Variants in ARID1A observed in about 807,000 individuals in gnomAD.
ARID1A encodes AT-rich interaction domain 1A, also known as AT-rich interactive domain-containing protein 1A.
A neutral mutation model predicts 212.6 loss-of-function variants in ARID1A; 20 were observed. The ratio of observed to expected loss-of-function variants is 0.09; its 90% CI spans 0.07 to 0.14. ARID1A has a LOEUF of 0.14. Among genes scored for constraint, ARID1A ranks in the 10% least tolerant of loss-of-function variants. The probability of loss-of-function intolerance (pLI) is 1.00; values close to 1 mark genes in which losing one functional copy is unlikely to be tolerated. For synonymous variants in ARID1A, 1,376 were observed against 1,222.1 expected (o/e 1.13, Z -2.63); for missense variants, 2,587 against 3,059.0 (o/e 0.85, Z 3.64).
chr1:26,777,757 C>T (rs535003071), intron 19 of ARID1A, among the ~76,000 whole-genome samples: 4 of 152,200 alleles, frequency 2.6e-5, no homozygotes, highest in Non-Finnish European at 5.9e-5. Flanking sequence ...CATGGTGAAA[C>T]TCCATCTCTA....
At chr1:26,762,439 C>T (rs2081001423) in intron 7 of ARID1A, 120 bp downstream of exon 7, 4 of 1,175,016 alleles carry the variant, frequency 3.4e-6, no homozygotes, top group Non-Finnish European at 4.6e-6. Context: ...GCCTTTAATC[C>T]ACCCAGCCCA....
Position 26,766,451 on chromosome 1 carries a change from T to G in ARID1A, c.2879-6T>G. On this transcript the variant is annotated splice_region_variant and splice_polypyrimidine_tract_variant and intron_variant, in intron 9 of 19. Coordinates refer to ENST00000324856, the MANE Select transcript of ARID1A (RefSeq NM_006015.6). Reference sequence around the variant, plus strand: ...CTGGACTTGAGAATTTTTTTCTCTTTTACAGGGATGGCAGCCAGCCCAGAG... The same window carrying G: ...CTGGACTTGAGAATTTTTTTCTCTTGTACAGGGATGGCAGCCAGCCCAGAG... The G allele has an allele frequency of 6.2e-7, 1 of 1,613,940 alleles. No individual in the cohort carries two copies. The highest frequency in any genetic ancestry group is 8.5e-7 in the Non-Finnish European group (1 of 1,179,982).
chr1:26,703,237 A>C (rs1354181201), intron 1 of ARID1A, among the ~76,000 whole-genome samples: 2 of 152,206 alleles, frequency 1.3e-5, no homozygotes, highest in Non-Finnish European at 1.5e-5. Context: ...GAGTAGATAC[A>C]GTCTTTGTTT....
chr1:26,710,609 G>A (rs2080444395), intron 1 of ARID1A, among the ~76,000 whole-genome samples: 2 of 151,050 alleles, frequency 1.3e-5, no homozygotes, highest in South Asian at 2.1e-4. Flanking sequence ...AGCATTACTA[G>A]GTCCTGTTAA....
At chr1:26,748,560 T>C (rs1243506114) in intron 4 of ARID1A, among the ~76,000 whole-genome samples, 1 of 151,866 alleles carries the variant, frequency 6.6e-6, no homozygotes, top group African/African-American at 2.4e-5. Flanking sequence ...TCCATAAATA[T>C]GCACTGCTCT....
At position 26,779,082 on chromosome 1, in the gene ARID1A, T is replaced by C. The variant is rs2124136862; in HGVS notation, c.5184T>C (p.Phe1728=). The C allele has an allele frequency of 6.6e-7, 1 of 1,516,384 alleles. No homozygotes were observed. The allele number at this position is 1,516,384 out of a possible 1,614,324, so 93.9% of individuals were successfully genotyped here. A position where few individuals can be genotyped will look rare whatever the true frequency, so the allele number is the denominator to read the frequency against. ...TCCGACGATGCCTGATTGAGATCTT[T>C]GGCATTTTAAAGGAGTATGAGGTGG... ...EYFRRCLIEI[F]GILKEYEVGD... The change falls in exon 20 of 20, where the codon TTT becomes TTC. Residue 1728 remains phenylalanine, a synonymous_variant. Coordinates refer to ENST00000324856, the MANE Select transcript of ARID1A (RefSeq NM_006015.6).
At chr1:26,751,889 A>G (rs896551295) in intron 4 of ARID1A, among the ~76,000 whole-genome samples, 2 of 152,212 alleles carry the variant, frequency 1.3e-5, no homozygotes, top group Non-Finnish European at 2.9e-5. Flanking sequence ...GGTGGCCAAA[A>G]GGTATCAGGA....
In ARID1A at chr1:26,779,633, A is replaced by G. The variant is rs2124142303; in HGVS notation, c.5735A>G (p.Asp1912Gly). Residue 1912 changes from aspartate to glycine, a missense_variant, in exon 20 of 20, where the codon GAT (aspartate) becomes GGT (glycine). Physicochemically the swap from Asp to Gly is moderately conservative, Grantham distance 94. Around this residue, in one of 11 missense-constraint regions of ARID1A, gnomAD observed 890 missense variants for 1,098.2 expected, o/e 0.81. Coordinates refer to ENST00000324856, the MANE Select transcript of ARID1A (RefSeq NM_006015.6). ...GAAAAACGGATCACAGCCACTATGG[A>G]TGACATGTTGTCTACTCGGTCTAGC... is the stretch of plus-strand genomic sequence containing the variant. ...PPEKRITATM[D>G]DMLSTRSSTL... The G allele has an allele frequency of 6.2e-7, 1 of 1,614,128 alleles. No individual in the cohort carries two copies. Among genetic ancestry groups the G allele is most frequent in the Non-Finnish European group, 8.5e-7 (1 of 1,180,022 alleles).
At position 26,780,745 on chromosome 1, in the gene ARID1A, G is replaced by A. The variant is rs760654073; in HGVS notation, c.6847G>A (p.Gly2283Ser). The change falls in exon 20 of 20, where the codon GGC becomes AGC. Residue 2283 changes from glycine to serine, a missense_variant. Coordinates refer to ENST00000324856, the MANE Select transcript of ARID1A (RefSeq NM_006015.6). This position sits in a 1 kb window ranked among gnomAD's most constrained non-coding sequence, Gnocchi z 7.2. ...CATTTGTGATGTACTGTTTTTGATT[G>A]GCCAGTCATGACAGCCGTGGGACAC... ...QVICDVLFLI[G>S]QS 6.4e-7 allele frequency: 1 copy of A among 1,566,370 alleles called. No individual in the cohort carries two copies. Among genetic ancestry groups the A allele is most frequent in the East Asian group, 2.3e-5 (1 of 44,220 alleles).
intron 1 of ARID1A, 23 bp downstream of exon 1, chr1:26,697,563 G>A: frequency 4.6e-6 from 6 of 1,306,852 alleles, no homozygotes; most frequent in Non-Finnish European, 5.8e-6. Flanking sequence ...GTGGGGAGGG[G>A]GCTGGGGCGA....
At chr1:26,766,189 T>C (rs765940499) in intron 8 of ARID1A, 32 bp from the exon 9 acceptor site, 1 of 1,607,242 alleles carries the variant, frequency 6.2e-7, no homozygotes, top group Non-Finnish European at 8.5e-7. Flanking sequence ...AGTCTAACCT[T>C]TGTCTCTCTC....
chr1:26,736,190 A>T (rs937924013), intron 4 of ARID1A, among the ~76,000 whole-genome samples: 1 of 151,572 alleles, frequency 6.6e-6, no homozygotes, highest in Non-Finnish European at 1.5e-5. Context: ...CAGGCATGGC[A>T]GTGGGTACCT....
chr1:26,722,382 A>T (rs572115843), intron 1 of ARID1A, among the ~76,000 whole-genome samples: 1 of 152,070 alleles, frequency 6.6e-6, no homozygotes. Context: ...AGTAGCTGGG[A>T]TTACAGGCAC....
chr1:26,778,776 G>T, intron 19 of ARID1A: 1 of 376,942 alleles, frequency 2.7e-6, no homozygotes, highest in African/African-American at 2.1e-5. Flanking sequence ...TGGGTGAGGT[G>T]CAAAGCTGTT....
At chr1:26,762,048 G>C in intron 6 of ARID1A, 104 bp from the exon 7 acceptor site, 1 of 1,293,822 alleles carries the variant, frequency 7.7e-7, no homozygotes, top group Non-Finnish European at 1.1e-6. Flanking sequence ...CCATGCAAGT[G>C]GCTGCTAAAG....
At chr1:26,702,105 C>T (rs1412104363) in intron 1 of ARID1A, among the ~76,000 whole-genome samples, 2 of 152,070 alleles carry the variant, frequency 1.3e-5, no homozygotes, top group Non-Finnish European at 2.9e-5. Flanking sequence ...GGTGTTTGGG[C>T]AGGTCTAGGT....
chr1:26,718,850 T>C (rs1264315525), intron 1 of ARID1A, among the ~76,000 whole-genome samples: 5 of 152,200 alleles, frequency 3.3e-5, no homozygotes. Flanking sequence ...TTCCTATACA[T>C]GCATACCTAT....
chr1:26,704,446 G>A (rs2080368144), intron 1 of ARID1A, among the ~76,000 whole-genome samples: 1 of 152,222 alleles, frequency 6.6e-6, no homozygotes, highest in Non-Finnish European at 1.5e-5. Context: ...TGCTATTTCT[G>A]AGGAGCTGGG....
chr1:26,776,114 G>A (rs2081132638), intron 19 of ARID1A, among the ~76,000 whole-genome samples: 1 of 152,050 alleles, frequency 6.6e-6, no homozygotes, highest in Non-Finnish European at 1.5e-5. Context: ...AGGATTACAG[G>A]CATGAGCCAC....
Sources: allele counts gnomAD v4.1 joint callset (sites outside exome capture counted in the v4.1 genomes callset), GRCh38; gene constraint gnomAD v4.1.1; regional missense constraint gnomAD v4.1.1; non-coding constraint Gnocchi (gnomAD v3.1); transcripts MANE v1.5; gene names NCBI Gene and HGNC (gene_info 2026-07-23, HGNC 2026-07-21).